SPECC1L: variants seen among roughly 807,000 people sequenced by gnomAD.
SPECC1L encodes sperm antigen with calponin homology and coiled-coil domains 1 like, also known as cytospin-A.
SPECC1L carries 40 observed loss-of-function variants against 116.8 expected under a neutral mutation model. The observed-to-expected ratio is 0.34, with a 90% confidence interval of 0.27 to 0.45. The LOEUF is 0.45. Ranked by LOEUF, SPECC1L falls within the 20% of genes least tolerant of loss-of-function variation. The pLI, the probability that SPECC1L is intolerant of heterozygous loss-of-function variation, is 1.00. For synonymous variants in SPECC1L, 504 were observed against 500.6 expected (o/e 1.01, Z -0.09); for missense variants, 1,110 against 1,373.6 (o/e 0.81, Z 3.03).
At chr22:24,325,377 CT>C (rs955440841) in intron 6 of SPECC1L, among the ~76,000 whole-genome samples, 1 of 152,076 alleles carries the variant, frequency 6.6e-6, no homozygotes, top group African/African-American at 2.4e-5. Flanking sequence ...GCACAAATTC[CT>C]TTGTTTCCAG....
At chr22:24,271,204 G>T (rs958708708) in intron 1 of SPECC1L, among the ~76,000 whole-genome samples, 8 of 152,282 alleles carry the variant, frequency 5.3e-5, no homozygotes, top group Non-Finnish European at 1.2e-4. Context: ...CAACCCGCAG[G>T]CTTCGCCGCC....
At chr22:24,305,468 T>C (rs1321168996) in intron 3 of SPECC1L, among the ~76,000 whole-genome samples, 1 of 152,238 alleles carries the variant, frequency 6.6e-6, no homozygotes, top group African/African-American at 2.4e-5. Flanking sequence ...TTCTTATCTG[T>C]ACTGTTGCAT....
rs539016183 is a variant in SPECC1L at position 24,341,424 on chromosome 22, A to T, written c.2652+2947A>T. Among the ~76,000 whole-genome samples the T allele has an allele frequency of 3.8e-4, 58 of 152,286 alleles. 3 individuals carry two copies. In the South Asian group the frequency reaches 0.012, roughly 30 times the overall value. ...TGAGTTCCCACCAGCCGCTGTGGAGACACCTCTTTGAATAGATGGCATTCA... is the reference window on the plus strand; with the variant it reads ...TGAGTTCCCACCAGCCGCTGTGGAGTCACCTCTTTGAATAGATGGCATTCA... On this transcript the variant is annotated intron_variant, in intron 10 of 16. Coordinates refer to ENST00000314328, the MANE Select transcript of SPECC1L (RefSeq NM_015330.6).
At chr22:24,363,481 C>T (rs1193049697) in intron 12 of SPECC1L, 137 bp downstream of exon 12, 2 of 779,290 alleles carry the variant, frequency 2.6e-6, no homozygotes, top group Non-Finnish European at 4.4e-6. Flanking sequence ...CTCACCTTGG[C>T]CTTCCAAAGT....
Position 24,363,362 on chromosome 22 carries a change from AATTTTTGT to A in SPECC1L, c.2827+19_2827+26del. On this transcript the variant is annotated intron_variant, in intron 12 of 16. Coordinates refer to ENST00000314328, the MANE Select transcript of SPECC1L (RefSeq NM_015330.6). ...CCTCTCAGGTGATGACTTTCATCTG[AATTTTTGT>A]TGTATTTGTTGTTTTTTAGAGACAG... 1 of 1,608,002 alleles carries A rather than the reference AATTTTTGT, an allele frequency of 6.2e-7. No homozygotes were observed. The highest frequency in any genetic ancestry group is 1.7e-5 in the Admixed American group (1 of 60,002).
chr22:24,360,521 G>A (rs1240946095), intron 11 of SPECC1L, among the ~76,000 whole-genome samples: 3 of 152,118 alleles, frequency 2.0e-5, no homozygotes, highest in South Asian at 2.1e-4. Flanking sequence ...CTCAGCCAGC[G>A]TTGGGCACAT....
At chr22:24,366,012 T>A (rs1004348564) in intron 13 of SPECC1L, among the ~76,000 whole-genome samples, 2 of 151,764 alleles carry the variant, frequency 1.3e-5, no homozygotes, top group African/African-American at 4.8e-5. Context: ...ATTGGCAAGG[T>A]CAGTAACTTG....
chr22:24,327,300 A>AAAAC lies in SPECC1L; in HGVS notation c.2147-1544_2147-1543insACAA, dbSNP rs1569422487. 2.6e-3 allele frequency among the ~76,000 whole-genome samples: 386 copies of AAAAC among 150,662 alleles called. 3 individuals are homozygous for AAAAC. Among genetic ancestry groups the AAAAC allele is most frequent in the African/African-American group, 9.0e-3 (369 of 40,824 alleles). ...CTCAAAAAAAAAAAAAAAAAAAAAA[A>AAAAC]AACATCAGAACACACATATACCAAC... On this transcript the variant is annotated intron_variant, in intron 6 of 16. Transcript: ENST00000314328.
chr22:24,289,076 T>C (rs1174696072), intron 2 of SPECC1L, among the ~76,000 whole-genome samples: 3 of 152,346 alleles, frequency 2.0e-5, no homozygotes, highest in South Asian at 2.1e-4. Context: ...TGGCTGACAG[T>C]TAATTTTATC....
chr22:24,291,087 C>G (rs1181509969), intron 2 of SPECC1L, among the ~76,000 whole-genome samples: 5 of 152,088 alleles, frequency 3.3e-5, no homozygotes, highest in Non-Finnish European at 7.4e-5. Context: ...TTAATATGAT[C>G]TCTACATTTT....
chr22:24,366,588 G>T lies in SPECC1L; in HGVS notation c.2984+956G>T, dbSNP rs375558668. 5.9e-5 allele frequency among the ~76,000 whole-genome samples: 9 copies of T among 152,250 alleles called. No individual in the cohort carries two copies. The East Asian group carries it at 1.7e-3, about 29-fold the overall frequency. On this transcript the variant is annotated intron_variant, in intron 13 of 16. Coordinates refer to ENST00000314328, the MANE Select transcript of SPECC1L (RefSeq NM_015330.6). Reference sequence around the variant, plus strand: ...TCATGTCTGGATCAGTGTGATAACAGTGGAAAAGAGGTGAAGAGAGGGTTG... The same window carrying T: ...TCATGTCTGGATCAGTGTGATAACATTGGAAAAGAGGTGAAGAGAGGGTTG...
chr22:24,407,934 C>G (rs555225347), intron 14 of SPECC1L, among the ~76,000 whole-genome samples: 1 of 152,184 alleles, frequency 6.6e-6, no homozygotes, highest in Non-Finnish European at 1.5e-5. Flanking sequence ...CTTACCTAGA[C>G]AACTAAAGGA....
intron 2 of SPECC1L, among the ~76,000 whole-genome samples, chr22:24,300,821 C>A (rs1355276979): frequency 6.6e-6 from 1 of 152,216 alleles, no homozygotes; most frequent in East Asian, 1.9e-4. Context: ...CACACACCTA[C>A]AACCAGCTGA....
At position 24,297,471 on chromosome 22, in the gene SPECC1L, A is replaced by G. The variant is rs1189955929; in HGVS notation, c.-37-4724A>G. On this transcript the variant is annotated intron_variant, in intron 2 of 16. Coordinates refer to ENST00000314328, the MANE Select transcript of SPECC1L (RefSeq NM_015330.6). ...GAAACAGAACCGATAGCATATATAT[A>G]TATCTCTCCAGTAGGACAGAGAGCG... Among the ~76,000 whole-genome samples, 6 of 152,178 alleles carry G rather than the reference A, an allele frequency of 3.9e-5. No homozygotes were observed. In the South Asian group the frequency reaches 6.2e-4, roughly 16 times the overall value.
At chr22:24,347,011 C>G in intron 10 of SPECC1L, 75 bp from the exon 11 acceptor site, 1 of 1,131,518 alleles carries the variant, frequency 8.8e-7, no homozygotes, top group Non-Finnish European at 1.3e-6. Flanking sequence ...AACTAAATAT[C>G]TACTCTGTGC....
At chr22:24,410,177 TG>T (rs1270752047) in intron 14 of SPECC1L, among the ~76,000 whole-genome samples, 3 of 152,134 alleles carry the variant, frequency 2.0e-5, no homozygotes, top group African/African-American at 7.2e-5. Context: ...TTTTCGGAGA[TG>T]GGGGGGATCT....
intron 2 of SPECC1L, among the ~76,000 whole-genome samples, chr22:24,293,850 G>A (rs1284194315): frequency 3.0e-4 from 31 of 101,960 alleles, no homozygotes; most frequent in Non-Finnish European, 7.9e-5. Context: ...AGTGAGAGTG[G>A]TACTTTTATT....
intron 10 of SPECC1L, among the ~76,000 whole-genome samples, chr22:24,341,409 C>G (rs749056741): frequency 6.6e-6 from 1 of 152,210 alleles, no homozygotes; most frequent in Non-Finnish European, 1.5e-5. Flanking sequence ...TGAGTTCCCA[C>G]CAGCCGCTGT....
At position 24,322,487 on chromosome 22, in the gene SPECC1L, C is replaced by T. The variant is rs989815463; in HGVS notation, c.1507C>T (p.Arg503Cys). 5 of 1,614,080 alleles carry T rather than the reference C, an allele frequency of 3.1e-6. No individual in the cohort carries two copies. The highest frequency in any genetic ancestry group is 2.2e-5 in the East Asian group (1 of 44,888). The change falls in exon 5 of 17, where the codon CGT (arginine) becomes TGT (cysteine). Residue 503 changes from arginine to cysteine, a missense_variant. By Grantham distance (180) the Arg-to-Cys change is radical. Transcript: ENST00000314328. The stretch of plus-strand genomic sequence containing the variant: ...TTACATGGACCTCGCTGAGAATGCC[C>T]GTTTTGAACGGGAGCAGCTTCTTGG... ...QRYMDLAENA[R>C]FEREQLLGVQ... is the part of the protein sequence containing the mutation.
Sources: allele counts gnomAD v4.1 joint callset (sites outside exome capture counted in the v4.1 genomes callset), GRCh38; gene constraint gnomAD v4.1.1; transcripts MANE v1.5; gene names NCBI Gene and HGNC (gene_info 2026-07-23, HGNC 2026-07-21).